The following MYO6 variants were observed in gnomAD, a reference collection of about 807,000 sequenced individuals.
The protein encoded by MYO6 is unconventional myosin-VI.
A neutral mutation model predicts 178.7 loss-of-function variants in MYO6; 74 were observed. The observed-to-expected ratio is 0.41, with a 90% confidence interval of 0.34 to 0.50. The LOEUF is 0.50. Among genes scored for constraint, MYO6 ranks in the 20% least tolerant of loss-of-function variants. The pLI, the probability that MYO6 is intolerant of heterozygous loss-of-function variation, is 0.09. For synonymous variants in MYO6, 477 were observed against 504.6 expected (o/e 0.95, Z 0.73); for missense variants, 1,330 against 1,547.4 (o/e 0.86, Z 2.36).
chr6:75,798,940 T>C (rs770010073), intron 1 of MYO6, among the ~76,000 whole-genome samples: 42 of 152,190 alleles, frequency 2.8e-4, no homozygotes, highest in Non-Finnish European at 2.9e-4. Context: ...CAAAAATAAG[T>C]AGTATTTCTA....
At chr6:75,859,847 A>T (rs2004170) in intron 14 of MYO6, among the ~76,000 whole-genome samples, 3 of 151,710 alleles carry the variant, frequency 2.0e-5, no homozygotes, top group Admixed American at 1.3e-4. Flanking sequence ...TTTAGTAGAG[A>T]TGGGGTTTCA....
chr6:75,751,886 G>A (rs994201791), intron 1 of MYO6, among the ~76,000 whole-genome samples: 3 of 151,940 alleles, frequency 2.0e-5, no homozygotes, highest in Non-Finnish European at 4.4e-5. Context: ...TAAAATACCA[G>A]TTTTAAGAAG....
intron 4 of MYO6, among the ~76,000 whole-genome samples, chr6:75,829,429 T>C (rs1772842509): frequency 1.3e-5 from 2 of 152,108 alleles, no homozygotes; most frequent in Non-Finnish European, 2.9e-5. Context: ...ATGGCTTCTT[T>C]GACACTTACT....
intron 22 of MYO6, 92 bp downstream of exon 22, chr6:75,880,212 A>C: frequency 1.0e-6 from 1 of 974,552 alleles, no homozygotes; most frequent in Non-Finnish European, 1.6e-6. Flanking sequence ...AATTTGTATT[A>C]TTCTTGAATT....
chr6:75,858,834 T>G (rs1775949730), intron 13 of MYO6, 68 bp from the exon 14 acceptor site: 3 of 912,222 alleles, frequency 3.3e-6, no homozygotes, highest in Non-Finnish European at 5.2e-6. Context: ...CAATTACATT[T>G]TATCCTATGA....
Position 75,821,020 on chromosome 6 carries a change from C to T in MYO6, c.118-1762C>T, listed in dbSNP as rs1298848487. ...AAGATATGTTTTTAGCAGAAAAAAGCCTCCTTCTTCTAAGAGAAAACAATT... is the reference window on the plus strand; with the variant it reads ...AAGATATGTTTTTAGCAGAAAAAAGTCTCCTTCTTCTAAGAGAAAACAATT... On this transcript the variant is annotated intron_variant, in intron 2 of 34. Coordinates refer to ENST00000369977, the MANE Select transcript of MYO6 (RefSeq NM_004999.4). 4.6e-5 allele frequency among the ~76,000 whole-genome samples: 7 copies of T among 152,080 alleles called. No individual in the cohort carries two copies. In the East Asian group the frequency reaches 1.2e-3, roughly 25 times the overall value.
At chr6:75,814,419 T>C (rs939982680) in intron 1 of MYO6, among the ~76,000 whole-genome samples, 1 of 152,164 alleles carries the variant, frequency 6.6e-6, no homozygotes, top group Non-Finnish European at 1.5e-5. Flanking sequence ...ATGAAGATGC[T>C]TTTTTTGGGT....
intron 1 of MYO6, among the ~76,000 whole-genome samples, chr6:75,805,476 GT>G (rs1769984005): frequency 6.6e-6 from 1 of 152,152 alleles, no homozygotes; most frequent in Non-Finnish European, 1.5e-5. Context: ...AGTGGTGTAT[GT>G]TTTTGTTACT....
At chr6:75,798,357 T>C (rs1300201325) in intron 1 of MYO6, among the ~76,000 whole-genome samples, 2 of 152,214 alleles carry the variant, frequency 1.3e-5, no homozygotes, top group Non-Finnish European at 2.9e-5. Flanking sequence ...TTTGTACCAA[T>C]ACCATGCTGT....
chr6:75,750,222 G>A (rs758101833), intron 1 of MYO6, among the ~76,000 whole-genome samples: 25 of 151,718 alleles, frequency 1.6e-4, no homozygotes, highest in Admixed American at 3.3e-4. Flanking sequence ...AGCCTCCCGA[G>A]TAGCTGGGAT....
In MYO6 at chr6:75,892,669, A is replaced by G. The variant is rs749173481; in HGVS notation, c.3086A>G (p.Gln1029Arg). The G allele has an allele frequency of 2.5e-6, 4 of 1,612,502 alleles. No individual in the cohort carries two copies. The highest frequency in any genetic ancestry group is 1.1e-5 in the South Asian group (1 of 91,010). ...SEAELISDEAQADLALRRNDG... is the reference protein window; with the variant it reads ...SEAELISDEARADLALRRNDG... Reference sequence around the variant, plus strand: ...GCCGAGCTCATCAGTGATGAGGCCCAGGCCGACCTGGCGCTGCGGAGGTAC... The same window carrying G: ...GCCGAGCTCATCAGTGATGAGGCCCGGGCCGACCTGGCGCTGCGGAGGTAC... The change falls in exon 28 of 35, where the codon CAG becomes CGG. Residue 1029 changes from glutamine to arginine, a missense_variant. Transcript: ENST00000369977.
At chr6:75,776,553 G>A (rs1766399732) in intron 1 of MYO6, among the ~76,000 whole-genome samples, 1 of 152,038 alleles carries the variant, frequency 6.6e-6, no homozygotes, top group South Asian at 2.1e-4. Flanking sequence ...CCACCACCTG[G>A]TTGCTCTTCC....
intron 1 of MYO6, among the ~76,000 whole-genome samples, chr6:75,760,284 C>T (rs192463117): frequency 1.3e-5 from 2 of 152,218 alleles, no homozygotes; most frequent in Non-Finnish European, 2.9e-5. Context: ...AAAGTTTGTG[C>T]TCTTTATTTT....
intron 1 of MYO6, among the ~76,000 whole-genome samples, chr6:75,817,004 A>T (rs914735993): frequency 6.6e-6 from 1 of 152,198 alleles, no homozygotes. Flanking sequence ...GCTTGGCCTC[A>T]TCTAAAAGTA....
At chr6:75,886,157 A>G (rs1487397437) in intron 24 of MYO6, 63 bp downstream of exon 24, 1 of 1,130,148 alleles carries the variant, frequency 8.8e-7, no homozygotes. Context: ...CAAAATGACA[A>G]TAAAGTCATA....
intron 30 of MYO6, 109 bp from the exon 31 acceptor site, chr6:75,907,496 T>C: frequency 1.2e-6 from 1 of 803,482 alleles, no homozygotes; most frequent in Non-Finnish European, 2.1e-6. Flanking sequence ...ATTATGTTTT[T>C]CTAGTAGCTG....
At chr6:75,779,470 C>T (rs1484208559) in intron 1 of MYO6, among the ~76,000 whole-genome samples, 1 of 151,856 alleles carries the variant, frequency 6.6e-6, no homozygotes, top group African/African-American at 2.4e-5. Flanking sequence ...CCACTGCACT[C>T]CAGCCTGGGT....
intron 32 of MYO6, among the ~76,000 whole-genome samples, chr6:75,909,890 A>G (rs1780631762): frequency 6.6e-6 from 1 of 152,208 alleles, no homozygotes; most frequent in Non-Finnish European, 1.5e-5. Flanking sequence ...GCAGTGTTTA[A>G]ATAAAGTCAA....
In MYO6 at chr6:75,891,215, T is replaced by A. The variant is rs1214813996; in HGVS notation, c.2868-13T>A. On this transcript the variant is annotated splice_polypyrimidine_tract_variant and intron_variant, in intron 26 of 34. Transcript: ENST00000369977. ...TCTGTTAAATTTTTGAAGAGTTTTC[T>A]ATTTTTTATTAGGAAACTTGAGATG... is the stretch of plus-strand genomic sequence containing the variant. 1.3e-6 allele frequency: 2 copies of A among 1,570,418 alleles called. No individual in the cohort carries two copies. The highest frequency in any genetic ancestry group is 1.7e-5 in the Admixed American group (1 of 58,752).
Sources: allele counts gnomAD v4.1 joint callset (sites outside exome capture counted in the v4.1 genomes callset), GRCh38; gene constraint gnomAD v4.1.1; transcripts MANE v1.5; gene names NCBI Gene and HGNC (gene_info 2026-07-23, HGNC 2026-07-21).